PLEKHA5: variants seen among roughly 807,000 people sequenced by gnomAD.
The protein encoded by PLEKHA5 is pleckstrin homology domain containing A5.
A neutral mutation model predicts 181.9 loss-of-function variants in PLEKHA5; 55 were observed. The ratio of observed to expected loss-of-function variants is 0.30; its 90% CI spans 0.24 to 0.38. PLEKHA5 has a LOEUF of 0.38. Among genes scored for constraint, PLEKHA5 ranks in the 10% least tolerant of loss-of-function variants. The pLI, the probability that PLEKHA5 is intolerant of heterozygous loss-of-function variation, is 1.00. For synonymous variants in PLEKHA5, 535 were observed against 529.4 expected, an observed-to-expected ratio of 1.01 and a Z score of -0.15; for missense variants, 1,432 against 1,549.5, an observed-to-expected ratio of 0.92 and a Z score of 1.27.
intron 29 of PLEKHA5, among the ~76,000 whole-genome samples, chr12:19,365,092 C>T (rs553565490): frequency 2.0e-4 from 31 of 152,238 alleles, no homozygotes; most frequent in African/African-American, 6.7e-4. Flanking sequence ...ATAACTTTGG[C>T]CAGGCGCAGT....
rs150423584 is a variant in PLEKHA5 at position 19,330,098 on chromosome 12, G to T, written c.2449-6417G>T. 8.5e-4 allele frequency among the ~76,000 whole-genome samples: 129 copies of T among 152,208 alleles called. 3 individuals carry two copies. In the East Asian group the frequency reaches 0.024, roughly 28 times the overall value. ...CCACAAAAAAGCCAACAGAAGTGTG[G>T]CGCAGTAATAGTTATTTATTTAAAT... On this transcript the variant is annotated intron_variant, in intron 20 of 31. Transcript: ENST00000429027.
intron 18 of PLEKHA5, among the ~76,000 whole-genome samples, chr12:19,321,161 G>A (rs2090599223): frequency 6.7e-6 from 1 of 148,446 alleles, no homozygotes. Flanking sequence ...GTGAGACCCT[G>A]CCTCAAAAAA....
intron 3 of PLEKHA5, among the ~76,000 whole-genome samples, chr12:19,253,491 A>G (rs2065963397): frequency 6.6e-6 from 1 of 152,090 alleles, no homozygotes; most frequent in East Asian, 1.9e-4. Context: ...TACACTCTCA[A>G]TAGATAGTAG....
chr12:19,182,585 G>A (rs2048863570), intron 3 of PLEKHA5, among the ~76,000 whole-genome samples: 1 of 152,128 alleles, frequency 6.6e-6, no homozygotes, highest in South Asian at 2.1e-4. Context: ...GCATTGACTA[G>A]ACCCTCCTCT....
At chr12:19,176,855 A>G (rs1159117481) in intron 3 of PLEKHA5, among the ~76,000 whole-genome samples, 2 of 152,006 alleles carry the variant, frequency 1.3e-5, no homozygotes, top group African/African-American at 4.8e-5. Flanking sequence ...CATATGCATT[A>G]CCTCACATAT....
intron 3 of PLEKHA5, among the ~76,000 whole-genome samples, 197 bp downstream of exon 3, chr12:19,132,647 C>T (rs958614264): frequency 6.6e-6 from 1 of 151,928 alleles, no homozygotes; most frequent in African/African-American, 2.4e-5. Flanking sequence ...TGTTATTTGC[C>T]TGGAATATTC....
chr12:19,291,091 G>A (rs2078322635), intron 14 of PLEKHA5, among the ~76,000 whole-genome samples: 1 of 152,136 alleles, frequency 6.6e-6, no homozygotes, highest in Non-Finnish European at 1.5e-5. Flanking sequence ...TTAACTTCAT[G>A]TTGTTACTCA....
At chr12:19,138,362 C>T (rs1488530079) in intron 3 of PLEKHA5, among the ~76,000 whole-genome samples, 2 of 152,004 alleles carry the variant, frequency 1.3e-5, no homozygotes, top group African/African-American at 2.4e-5. Context: ...CACTTGAAGT[C>T]AGGAGTTTGA....
chr12:19,201,534 TAGC>T (rs1005355147), intron 3 of PLEKHA5: 66 of 152,122 alleles, frequency 4.3e-4, no homozygotes, highest in Admixed American at 4.1e-3. Flanking sequence ...AAAATGTTGA[TAGC>T]ATTATTCATA....
At chr12:19,282,740 T>C (rs2152798677) in intron 11 of PLEKHA5, among the ~76,000 whole-genome samples, 1 of 152,324 alleles carries the variant, frequency 6.6e-6, no homozygotes, top group South Asian at 2.1e-4. Flanking sequence ...ATAATACTCT[T>C]TCATCTTTAA....
At chr12:19,333,407 G>A (rs1332576197) in intron 20 of PLEKHA5, among the ~76,000 whole-genome samples, 7 of 151,634 alleles carry the variant, frequency 4.6e-5, no homozygotes, top group African/African-American at 1.7e-4. Flanking sequence ...ATGAAACCAC[G>A]TCTCTACTAA....
chr12:19,350,641 C>T (rs1469354328), intron 25 of PLEKHA5, among the ~76,000 whole-genome samples: 2 of 151,978 alleles, frequency 1.3e-5, no homozygotes, highest in African/African-American at 4.8e-5. Context: ...TGGTGGCGGG[C>T]ACCTGTAATT....
chr12:19,304,479 A>G, intron 15 of PLEKHA5, among the ~76,000 whole-genome samples: 1 of 152,202 alleles, frequency 6.6e-6, no homozygotes, highest in Non-Finnish European at 1.5e-5. Flanking sequence ...GAAGTTTTTT[A>G]TCTTTGATAG....
intron 3 of PLEKHA5, among the ~76,000 whole-genome samples, chr12:19,219,941 A>T (rs958040184): frequency 1.3e-5 from 2 of 152,184 alleles, no homozygotes; most frequent in Admixed American, 1.3e-4. Flanking sequence ...TTTCTAAAAA[A>T]CAATTTCACA....
chr12:19,329,924 GC>G (rs1347450820), intron 20 of PLEKHA5, among the ~76,000 whole-genome samples: 2 of 149,984 alleles, frequency 1.3e-5, no homozygotes, highest in Admixed American at 6.7e-5. Flanking sequence ...AAAAAAAAAA[GC>G]AAAAAACAAA....
At chr12:19,141,176 C>A (rs191048528) in intron 3 of PLEKHA5, among the ~76,000 whole-genome samples, 34 of 152,282 alleles carry the variant, frequency 2.2e-4, no homozygotes, top group African/African-American at 7.2e-4. Flanking sequence ...CCCCTCCCCC[C>A]CAACAGAAAG....
intron 3 of PLEKHA5, among the ~76,000 whole-genome samples, chr12:19,209,033 C>A (rs1219828802): frequency 6.6e-6 from 1 of 152,008 alleles, no homozygotes; most frequent in Non-Finnish European, 1.5e-5. Flanking sequence ...TAAAACTATG[C>A]ATGGATTTAA....
chr12:19,186,101 C>T (rs1331346554), intron 3 of PLEKHA5, among the ~76,000 whole-genome samples: 1 of 152,074 alleles, frequency 6.6e-6, no homozygotes, highest in Non-Finnish European at 1.5e-5. Flanking sequence ...CCAGAGGTCC[C>T]ATAAAATACT....
intron 5 of PLEKHA5, among the ~76,000 whole-genome samples, chr12:19,255,419 T>G (rs1283485872): frequency 1.3e-5 from 2 of 152,032 alleles, no homozygotes; most frequent in Admixed American, 1.3e-4. Flanking sequence ...CACTTAAGTT[T>G]TAAAGGTGAT....
Sources: allele counts gnomAD v4.1 joint callset (sites outside exome capture counted in the v4.1 genomes callset), GRCh38; gene constraint gnomAD v4.1.1; transcripts MANE v1.5; gene names NCBI Gene and HGNC (gene_info 2026-07-23, HGNC 2026-07-21).